The following NRG1 variants were observed in gnomAD, a reference collection of about 807,000 sequenced individuals.
NRG1 encodes the protein pro-neuregulin-1, membrane-bound isoform.
Under a neutral mutation model 63.8 loss-of-function variants are expected in NRG1, and 18 were observed. That is an observed-to-expected ratio of 0.28 (90% CI 0.19 to 0.42). The LOEUF (loss-of-function observed/expected upper bound fraction) is 0.42. NRG1 is among the 10% of genes least tolerant of loss of function. The pLI is 1.00. For synonymous variants in NRG1, 302 were observed against 301.3 expected (o/e 1.00, Z -0.02); for missense variants, 762 against 814.7 (o/e 0.94, Z 0.79).
intron 1 of NRG1, among the ~76,000 whole-genome samples, chr8:32,329,623 C>T (rs893003169): frequency 4.6e-5 from 7 of 152,068 alleles, no homozygotes; most frequent in East Asian, 1.9e-4. Context: ...AACTTGGCAA[C>T]GAGTCCCTCT....
chr8:32,188,152 C>T (rs1355599230), intron 1 of NRG1, among the ~76,000 whole-genome samples: 1 of 151,924 alleles, frequency 6.6e-6, no homozygotes, highest in Admixed American at 6.6e-5. Context: ...CTGTAACCTC[C>T]ACCTCCCAGG....
intron 1 of NRG1, among the ~76,000 whole-genome samples, chr8:32,053,425 T>A (rs993330904): frequency 2.6e-5 from 4 of 152,214 alleles, no homozygotes; most frequent in African/African-American, 9.7e-5. Flanking sequence ...AAGTCCGGAT[T>A]GAGCTTTATG....
chr8:32,514,435 T>C (rs1651418383), intron 1 of NRG1, among the ~76,000 whole-genome samples: 1 of 152,182 alleles, frequency 6.6e-6, no homozygotes. Flanking sequence ...GCTTGAAAAC[T>C]TTGATACTTC....
chr8:32,702,246 C>T (rs1266245864), intron 5 of NRG1, among the ~76,000 whole-genome samples: 3 of 152,196 alleles, frequency 2.0e-5, no homozygotes, highest in East Asian at 1.9e-4. Context: ...GACTCTAGGA[C>T]ATCACTCTCA....
At chr8:32,145,148 T>C (rs906059642) in intron 1 of NRG1, among the ~76,000 whole-genome samples, 2 of 152,180 alleles carry the variant, frequency 1.3e-5, no homozygotes, top group Non-Finnish European at 2.9e-5. Flanking sequence ...AACCACAGCC[T>C]TTACCTTCTC....
At chr8:31,843,202 G>T (rs913534882) in intron 1 of NRG1, among the ~76,000 whole-genome samples, 2 of 152,128 alleles carry the variant, frequency 1.3e-5, no homozygotes, top group East Asian at 3.9e-4. Flanking sequence ...CGAGAACAAT[G>T]TGGCATGATT....
chr8:31,722,043 A>G (rs1812971496), intron 1 of NRG1, among the ~76,000 whole-genome samples: 1 of 151,954 alleles, frequency 6.6e-6, no homozygotes, highest in Non-Finnish European at 1.5e-5. Flanking sequence ...TCTTAATGTC[A>G]AACCTGATTA....
chr8:31,884,000 G>C (rs1830542300), intron 1 of NRG1, among the ~76,000 whole-genome samples: 1 of 152,018 alleles, frequency 6.6e-6, no homozygotes, highest in African/African-American at 2.4e-5. Flanking sequence ...GTGAGACTCT[G>C]TTTCTGCATG....
chr8:32,357,333 A>G (rs1189355365), intron 1 of NRG1, among the ~76,000 whole-genome samples: 1 of 152,224 alleles, frequency 6.6e-6, no homozygotes, highest in Non-Finnish European at 1.5e-5. Context: ...CAAAGAAAGG[A>G]TGTAAAATCA....
intron 5 of NRG1, among the ~76,000 whole-genome samples, chr8:32,695,820 T>C (rs1212653938): frequency 6.6e-6 from 1 of 152,214 alleles, no homozygotes; most frequent in Non-Finnish European, 1.5e-5. Context: ...AGCAAGGTAT[T>C]ATGTGTCCCC....
chr8:31,777,889 A>C (rs914798480), intron 1 of NRG1, among the ~76,000 whole-genome samples: 2 of 152,166 alleles, frequency 1.3e-5, no homozygotes, highest in African/African-American at 4.8e-5. Context: ...GCCATTCATG[A>C]GGGATCCACC....
intron 1 of NRG1, among the ~76,000 whole-genome samples, chr8:32,364,063 C>T (rs1305905555): frequency 7.5e-6 from 1 of 133,210 alleles, no homozygotes; most frequent in Non-Finnish European, 1.6e-5. Flanking sequence ...CTTTGGCGTA[C>T]TTCTGACTAG....
At chr8:32,245,513 C>T (rs1357235945) in intron 1 of NRG1, among the ~76,000 whole-genome samples, 1 of 152,062 alleles carries the variant, frequency 6.6e-6, no homozygotes, top group African/African-American at 2.4e-5. Context: ...GTATCAGTTA[C>T]CTGCAATTTA....
intron 1 of NRG1, among the ~76,000 whole-genome samples, chr8:31,940,403 G>A (rs1039896525): frequency 2.6e-5 from 4 of 151,788 alleles, no homozygotes; most frequent in Admixed American, 6.6e-5. Context: ...GCAAAAAATG[G>A]TGCTAAGGGG....
chr8:32,359,747 T>C (rs182527209), intron 1 of NRG1, among the ~76,000 whole-genome samples: 24 of 152,300 alleles, frequency 1.6e-4, no homozygotes, highest in African/African-American at 4.3e-4. Context: ...GAAAGATACA[T>C]TGATTTAAGG....
At chr8:32,497,448 A>C (rs1827343327) in intron 1 of NRG1, among the ~76,000 whole-genome samples, 1 of 27,898 alleles carries the variant, frequency 3.6e-5, no homozygotes, top group East Asian at 3.8e-3. Flanking sequence ...TTTTGTATCA[A>C]AAAAAAAAAA....
At chr8:32,670,473 T>C (rs1199324414) in intron 5 of NRG1, among the ~76,000 whole-genome samples, 1 of 152,042 alleles carries the variant, frequency 6.6e-6, no homozygotes, top group Non-Finnish European at 1.5e-5. Flanking sequence ...ATTAGTGATA[T>C]TTTGGGAGTT....
intron 1 of NRG1, among the ~76,000 whole-genome samples, chr8:31,925,140 G>C (rs376713841): frequency 2.5e-4 from 1 of 4,062 alleles, no homozygotes; most frequent in African/African-American, 5.8e-3. Context: ...ATATGTGTGT[G>C]TGTGTGTATA....
chr8:32,763,923 A>T, exon 12 of NRG1: 4 of 1,613,982 alleles, frequency 2.5e-6, no homozygotes, highest in Non-Finnish European at 3.4e-6. Context: ...ACTTCTCGTG[A>T]CACCACCAAG....
Sources: allele counts gnomAD v4.1 joint callset (sites outside exome capture counted in the v4.1 genomes callset), GRCh38; gene constraint gnomAD v4.1.1; transcripts MANE v1.5; gene names NCBI Gene and HGNC (gene_info 2026-07-23, HGNC 2026-07-21).